GRIK5: variants seen among roughly 807,000 people sequenced by gnomAD.
GRIK5 encodes glutamate ionotropic receptor kainate type subunit 5.
In GRIK5, 43 loss-of-function variants were observed where a neutral mutation model predicts 97.4. The ratio of observed to expected loss-of-function variants is 0.44; its 90% CI spans 0.35 to 0.57. The LOEUF is 0.57. Ranked by LOEUF, GRIK5 falls within the 20% of genes least tolerant of loss-of-function variation. The probability of loss-of-function intolerance (pLI) is 0.01; values close to 1 mark genes in which losing one functional copy is unlikely to be tolerated. For missense variants in GRIK5, 1,015 were observed against 1,382.0 expected (o/e 0.73, Z 4.21); for synonymous variants, 580 against 583.5 (o/e 0.99, Z 0.09).
At chr19:42,029,018 C>T (rs2075805577) in intron 12 of GRIK5, among the ~76,000 whole-genome samples, 1 of 152,134 alleles carries the variant, frequency 6.6e-6, no homozygotes, top group Admixed American at 6.5e-5. Context: ...ATTGCTTGAG[C>T]CCAGGAATTC....
chr19:42,058,195 T>A (rs2076212093), intron 6 of GRIK5, among the ~76,000 whole-genome samples: 1 of 152,096 alleles, frequency 6.6e-6, no homozygotes, highest in Non-Finnish European at 1.5e-5. Flanking sequence ...GTTTTTTGTT[T>A]TTTGAGATGG....
chr19:42,043,399 ATTTTTTTTTTT>A (rs984583211), intron 11 of GRIK5, among the ~76,000 whole-genome samples: 1 of 121,306 alleles, frequency 8.2e-6, no homozygotes, highest in East Asian at 2.3e-4. Flanking sequence ...AGATGGTGCA[ATTTTTTTTTTT>A]TTTTTTTTTT....
intron 15 of GRIK5, among the ~76,000 whole-genome samples, chr19:42,015,175 T>C (rs1421898271): frequency 6.6e-6 from 1 of 152,150 alleles, no homozygotes; most frequent in Non-Finnish European, 1.5e-5. Flanking sequence ...TGGATAGAAT[T>C]GAAGAGAAAC....
Position 42,065,698 on chromosome 19 carries a change from G to A in GRIK5, c.73C>T (p.Arg25Cys), listed in dbSNP as rs1401195689. 6 of 1,589,178 alleles carry A rather than the reference G, an allele frequency of 3.8e-6. No homozygotes were observed. The highest frequency in any genetic ancestry group is 1.1e-5 in the South Asian group (1 of 87,168). ...GGGTGCGGGAGGGCCTCACCCATGC[G>A]CAGTGATGAGAGCACCTGGCAGCTG... is the stretch of plus-strand genomic sequence containing the variant. ...SPSCQVLSSL[R>C]MAAILDDQTV... The change falls in exon 2 of 20, where the codon CGC becomes TGC. Residue 25 changes from arginine to cysteine, a missense_variant. This residue lies in a region of GRIK5 where 198 missense variants were observed against 218.2 expected (regional missense o/e 0.91). Coordinates refer to ENST00000593562, the MANE Select transcript of GRIK5 (RefSeq NM_002088.5). This position sits in a 1 kb window ranked among gnomAD's most constrained non-coding sequence, Gnocchi z 5.8.
chr19:42,012,701 C>T (rs957185130), intron 15 of GRIK5, among the ~76,000 whole-genome samples: 2 of 151,424 alleles, frequency 1.3e-5, no homozygotes, highest in Admixed American at 6.6e-5. Flanking sequence ...ATGGCGAAAC[C>T]CTATCTCTAC....
rs1555870017 is a variant in GRIK5 at position 41,998,615 on chromosome 19, A to C, written c.*256T>G. ...TTCCGCTTCCCAGAGCCGCCCCCGA[A>C]GTCCCCAGCCCCTGGAGTCCTCGGT... is the stretch of plus-strand genomic sequence containing the variant. On this transcript the variant is annotated 3_prime_UTR_variant, in exon 20 of 20. Coordinates refer to ENST00000593562, the MANE Select transcript of GRIK5 (RefSeq NM_002088.5). 5.7e-6 allele frequency: 1 copy of C among 174,460 alleles called. No homozygotes were observed. The highest frequency in any genetic ancestry group is 6.3e-5 in the Admixed American group (1 of 15,950). 10.8% of individuals were successfully genotyped at this position (174,460 alleles called of 1,614,324 possible).
At position 42,005,768 on chromosome 19, in the gene GRIK5, C is replaced by T; in HGVS notation, c.2218G>A (p.Gly740Arg). 6.2e-7 allele frequency: 1 copy of T among 1,614,084 alleles called. No homozygotes were observed. The highest frequency in any genetic ancestry group is 8.5e-7 in the Non-Finnish European group (1 of 1,179,940). Residue 740 changes from glycine (G) to arginine (R), a missense_variant, in exon 17 of 20, where the codon GGG (glycine) becomes AGG (arginine). Gly to Arg is a moderately radical substitution (Grantham distance 125). This residue lies in a region of GRIK5 where 229 missense variants were observed against 341.0 expected (regional missense o/e 0.67). Coordinates refer to ENST00000593562, the MANE Select transcript of GRIK5 (RefSeq NM_002088.5). ...TAGCCCTTGGTGTCGAGGAGTCCCC[C>T]GATCTGGGTGAGGTTGCAGTTGAGG... The part of the protein sequence containing the change: ...RRLNCNLTQI[G>R]GLLDTKGYGI...
At position 42,049,675 on chromosome 19, in the gene GRIK5, C is replaced by A. The variant is rs747797256; in HGVS notation, c.1269+3927G>T. Reference sequence around the variant, plus strand: ...TGGGTTGGGGACAGCTGGTTGGTTACACAGGTGTGTTCAGTTTTTGAAACT... The same window carrying A: ...TGGGTTGGGGACAGCTGGTTGGTTAAACAGGTGTGTTCAGTTTTTGAAACT... On this transcript the variant is annotated intron_variant, in intron 11 of 19. Transcript: ENST00000593562. 1.4e-4 allele frequency among the ~76,000 whole-genome samples: 21 copies of A among 152,278 alleles called. 1 individual carries two copies. Among genetic ancestry groups the A allele is most frequent in the Middle Eastern group, 6.8e-3 (2 of 294 alleles).
chr19:42,038,050 C>T (rs1173404496), intron 12 of GRIK5, among the ~76,000 whole-genome samples: 1 of 152,182 alleles, frequency 6.6e-6, no homozygotes, highest in East Asian at 1.9e-4. Flanking sequence ...TCTTCTTTGC[C>T]CTTGAAGGCT....
Position 42,012,254 on chromosome 19 carries a change from G to GTATT in GRIK5, c.1872-5448_1872-5445dup, listed in dbSNP as rs531492236. ...TGTATGTATGTATGTATGTATGTAT[G>GTATT]TATTTATTTATTTGGAGACAGAGTC... On this transcript the variant is annotated intron_variant, in intron 15 of 19. Coordinates refer to ENST00000593562, the MANE Select transcript of GRIK5 (RefSeq NM_002088.5). Among the ~76,000 whole-genome samples the GTATT allele has an allele frequency of 2.3e-3, 344 of 151,300 alleles. 1 individual carries two copies. The highest frequency in any genetic ancestry group is 3.5e-3 in the Non-Finnish European group (241 of 67,890).
chr19:42,007,413 T>C lies in GRIK5; in HGVS notation c.1872-603A>G, dbSNP rs115875872. Among the ~76,000 whole-genome samples the C allele has an allele frequency of 1.6e-3, 243 of 152,248 alleles. 2 individuals are homozygous for C. In the Middle Eastern group the frequency reaches 0.017, roughly 11 times the overall value. ...CCCGGCCAGGAAACTATTTAAAACATAGGACAAGAGACATCATAGAACTGT... is the reference window on the plus strand; with the variant it reads ...CCCGGCCAGGAAACTATTTAAAACACAGGACAAGAGACATCATAGAACTGT... On this transcript the variant is annotated intron_variant, in intron 15 of 19. Coordinates refer to ENST00000593562, the MANE Select transcript of GRIK5 (RefSeq NM_002088.5).
At chr19:42,055,492 G>A (rs1196087923) in intron 8 of GRIK5, among the ~76,000 whole-genome samples, 1 of 152,182 alleles carries the variant, frequency 6.6e-6, no homozygotes, top group Admixed American at 6.5e-5. Flanking sequence ...GAGCTAGGCT[G>A]TTTTAAGTGC....
intron 5 of GRIK5, 114 bp from the exon 6 acceptor site, chr19:42,059,641 G>C (rs1445889175): frequency 5.7e-6 from 5 of 876,822 alleles, no homozygotes; most frequent in Non-Finnish European, 8.7e-6. Context: ...GGGTGTGCAA[G>C]GACATGGGGC....
chr19:42,025,508 G>A (rs1336417854), intron 12 of GRIK5, among the ~76,000 whole-genome samples: 4 of 152,010 alleles, frequency 2.6e-5, no homozygotes, highest in African/African-American at 7.2e-5. Flanking sequence ...ATATGGCGGC[G>A]GCAGCAGCCT....
Position 42,054,371 on chromosome 19 carries a change from T to G in GRIK5, c.1005A>C (p.Thr335=), listed in dbSNP as rs1032743246. The change falls in exon 9 of 20, where the codon ACA becomes ACC. Residue 335 remains threonine, a synonymous_variant. Coordinates refer to ENST00000593562, the MANE Select transcript of GRIK5 (RefSeq NM_002088.5). The stretch of plus-strand genomic sequence containing the variant: ...TCCCGTGGGGCCAAATGTTGGCCGA[T>G]GTACAGGCCAGAGGCTTCACACCGA... ...QEIGVKPLAC[T]SANIWPHGTS... 9.3e-6 allele frequency: 15 copies of G among 1,613,544 alleles called. No individual in the cohort carries two copies. The African/African-American group carries it at 1.9e-4, about 20-fold the overall frequency.
chr19:42,014,121 C>T (rs1007193701), intron 15 of GRIK5, among the ~76,000 whole-genome samples: 25 of 151,712 alleles, frequency 1.6e-4, no homozygotes, highest in Admixed American at 3.3e-4. Context: ...TGGCCAGACA[C>T]GGTGGCTCAC....
intron 11 of GRIK5, among the ~76,000 whole-genome samples, chr19:42,049,111 G>C (rs939971587): frequency 7.2e-5 from 11 of 152,278 alleles, no homozygotes; most frequent in Non-Finnish European, 1.6e-4. Flanking sequence ...CTGATCATTA[G>C]GGAAATGCAA....
chr19:42,067,143 G>A (rs2076345309), intron 1 of GRIK5, among the ~76,000 whole-genome samples: 1 of 152,344 alleles, frequency 6.6e-6, no homozygotes, highest in Non-Finnish European at 1.5e-5. Flanking sequence ...ATGGAGTAGG[G>A]TTACTGTGGG....
Position 42,003,141 on chromosome 19 carries a change from C to T in GRIK5, c.2514+191G>A, listed in dbSNP as rs1361904528. On this transcript the variant is annotated intron_variant, in intron 19 of 19. Coordinates refer to ENST00000593562, the MANE Select transcript of GRIK5 (RefSeq NM_002088.5). This position sits in a 1 kb window ranked among gnomAD's most constrained non-coding sequence, Gnocchi z 4.2. ...CTCATTGCTCCCTGTGCCTACTTTC[C>T]CTCCTGTTCTTCCTCACGCGCTGAT... Among the ~76,000 whole-genome samples, 1 of 152,064 alleles carries T rather than the reference C, an allele frequency of 6.6e-6. No homozygotes were observed. The highest frequency in any genetic ancestry group is 2.4e-5 in the African/African-American group (1 of 41,370).
Sources: gnomAD v4.1 joint callset for allele counts (sites outside exome capture counted in the v4.1 genomes callset) on GRCh38, gnomAD v4.1.1 for gene constraint, gnomAD v4.1.1 regional missense constraint, Gnocchi (gnomAD v3.1) non-coding constraint, MANE v1.5 for transcripts, NCBI Gene and HGNC (gene_info 2026-07-23, HGNC 2026-07-21) for gene names.